The following TPTE2 variants were observed in gnomAD, a reference collection of about 807,000 sequenced individuals.
TPTE2 encodes transmembrane phosphoinositide 3-phosphatase and tensin homolog 2.
A neutral mutation model predicts 78.6 loss-of-function variants in TPTE2; 53 were observed. That is an observed-to-expected ratio of 0.67 (90% CI 0.54 to 0.85). The LOEUF is 0.85. TPTE2 is among the 40% of genes least tolerant of loss of function. The pLI is 0.00. For synonymous variants in TPTE2, 175 were observed against 206.2 expected (o/e 0.85, Z 1.30); for missense variants, 461 against 623.0 (o/e 0.74, Z 2.77).
chr13:19,459,741 T>G (rs1293590320), intron 10 of TPTE2, among the ~76,000 whole-genome samples: 1 of 152,126 alleles, frequency 6.6e-6, no homozygotes, highest in African/African-American at 2.4e-5. Flanking sequence ...TGGATTGGGG[T>G]CCTGCTTAAA....
At chr13:19,434,840 G>A (rs1876953228) in intron 15 of TPTE2, among the ~76,000 whole-genome samples, 1 of 152,146 alleles carries the variant, frequency 6.6e-6, no homozygotes, top group Admixed American at 6.5e-5. Context: ...CAATATAAAT[G>A]AGAAGCTGTG....
At chr13:19,555,523 C>T in the TPTE2 span, among the ~76,000 whole-genome samples, 2 of 152,146 alleles carry the variant, frequency 1.3e-5, no homozygotes, top group Non-Finnish European at 2.9e-5. Context: ...ATTCTTTAGA[C>T]TCATGCAAGT....
intron 1 of TPTE2, among the ~76,000 whole-genome samples, chr13:19,499,293 G>A (rs895426466): frequency 1.0e-3 from 157 of 152,174 alleles, no homozygotes; most frequent in Non-Finnish European, 1.7e-3. Flanking sequence ...TCTGCACCAA[G>A]CAGACCTAAT....
At chr13:19,559,932 C>T in the TPTE2 span, 1 of 362,440 alleles carries the variant, frequency 2.8e-6, no homozygotes, top group South Asian at 3.0e-5. Context: ...ACTGCCCAGA[C>T]CCCAGCTCCG....
At chr13:19,498,070 T>C (rs1438203394) in intron 1 of TPTE2, among the ~76,000 whole-genome samples, 3 of 150,542 alleles carry the variant, frequency 2.0e-5, no homozygotes, top group Non-Finnish European at 4.4e-5. Flanking sequence ...ATGAAATGAA[T>C]GAAATGAAGC....
intron 1 of TPTE2, among the ~76,000 whole-genome samples, chr13:19,519,899 T>C (rs1177268495): frequency 6.6e-6 from 1 of 152,174 alleles, no homozygotes; most frequent in Non-Finnish European, 1.5e-5. Context: ...ATGTCTTCCA[T>C]TCAATAAATA....
Position 19,464,558 on chromosome 13 carries a change from T to C in TPTE2, c.677-38A>G, listed in dbSNP as rs774436949. On this transcript the variant is annotated intron_variant, in intron 9 of 19. Transcript: ENST00000400230. ...ATCATCACTATTACAAACATTATTA[T>C]AGATTTCATATAACACAAAAAAAAT... is the stretch of plus-strand genomic sequence containing the variant. The C allele has an allele frequency of 2.5e-6, 4 of 1,590,398 alleles. No homozygotes were observed. In the African/African-American group the frequency reaches 4.2e-5, roughly 17 times the overall value.
At chr13:19,518,755 C>A (rs993737298) in intron 1 of TPTE2, among the ~76,000 whole-genome samples, 16 of 152,188 alleles carry the variant, frequency 1.1e-4, no homozygotes, top group Non-Finnish European at 1.5e-5. Context: ...GAAGTCATCA[C>A]TCCCATCTTC....
intron 3 of TPTE2, among the ~76,000 whole-genome samples, chr13:19,487,912 CTG>C (rs1462445156): frequency 6.6e-6 from 1 of 152,192 alleles, no homozygotes; most frequent in Non-Finnish European, 1.5e-5. Context: ...CTTGCAAAGA[CTG>C]TGAGATTCTC....
intron 1 of TPTE2, among the ~76,000 whole-genome samples, chr13:19,514,631 C>T (rs4539429): frequency 1.6e-5 from 1 of 61,794 alleles, no homozygotes; most frequent in African/African-American, 5.6e-5. Context: ...GTGTGTGTGT[C>T]TGTGTGTGAG....
chr13:19,453,492 G>C (rs910076550), intron 10 of TPTE2, among the ~76,000 whole-genome samples: 1 of 148,110 alleles, frequency 6.8e-6, no homozygotes, highest in Non-Finnish European at 1.5e-5. Context: ...CCACTTCCTA[G>C]TTCTCTCAAT....
intron 1 of TPTE2, among the ~76,000 whole-genome samples, chr13:19,522,724 G>A (rs961597249): frequency 4.7e-5 from 7 of 147,652 alleles, no homozygotes; most frequent in East Asian, 2.1e-4. Flanking sequence ...CCAGGTTCAC[G>A]CCATTCTCCT....
intron 1 of TPTE2, among the ~76,000 whole-genome samples, chr13:19,512,898 C>T (rs1869545324): frequency 6.6e-6 from 1 of 152,138 alleles, no homozygotes; most frequent in African/African-American, 2.4e-5. Flanking sequence ...TTGACAAACA[C>T]ACCAGCATTT....
chr13:19,450,126 A>C, exon 13 of TPTE2: 1 of 1,611,438 alleles, frequency 6.2e-7, no homozygotes, highest in Non-Finnish European at 8.5e-7. Flanking sequence ...ATCTTGAGCC[A>C]TCCACTCATT....
At chr13:19,516,962 C>T (rs1869834202) in intron 1 of TPTE2, among the ~76,000 whole-genome samples, 1 of 152,150 alleles carries the variant, frequency 6.6e-6, no homozygotes, top group East Asian at 1.9e-4. Flanking sequence ...GTTATACCAG[C>T]TCATCTGCAG....
At chr13:19,502,729 C>A (rs1868693872) in intron 1 of TPTE2, among the ~76,000 whole-genome samples, 1 of 151,352 alleles carries the variant, frequency 6.6e-6, no homozygotes. Flanking sequence ...AGCGCACCAG[C>A]ATGGCACATG....
At chr13:19,437,504 A>G (rs372335319) in intron 14 of TPTE2, among the ~76,000 whole-genome samples, 2 of 152,222 alleles carry the variant, frequency 1.3e-5, no homozygotes, top group African/African-American at 2.4e-5. Context: ...CTTTGTTTTC[A>G]GTTGTGAAAT....
intron 10 of TPTE2, among the ~76,000 whole-genome samples, chr13:19,463,367 A>T (rs1330480467): frequency 6.6e-6 from 1 of 152,154 alleles, no homozygotes; most frequent in Non-Finnish European, 1.5e-5. Context: ...TCCTTGTTGA[A>T]TTTCCCATAA....
chr13:19,449,203 T>A (rs1490332608), intron 13 of TPTE2, among the ~76,000 whole-genome samples: 1 of 152,180 alleles, frequency 6.6e-6, no homozygotes, highest in Non-Finnish European at 1.5e-5. Context: ...GATGGAGTTT[T>A]GTTCTTGTTG....
Sources: allele counts gnomAD v4.1 joint callset (sites outside exome capture counted in the v4.1 genomes callset), GRCh38; gene constraint gnomAD v4.1.1; transcripts MANE v1.5; gene names NCBI Gene and HGNC (gene_info 2026-07-23, HGNC 2026-07-21).